The following ANKFN1 variants were observed in gnomAD, a reference collection of about 807,000 sequenced individuals.
The protein encoded by ANKFN1 is ankyrin repeat and fibronectin type-III domain-containing protein 1.
In ANKFN1, 74 loss-of-function variants were observed where a neutral mutation model predicts 108.7. The observed-to-expected ratio is 0.68, with a 90% CI of 0.56 to 0.83. ANKFN1 has a LOEUF of 0.83. Ranked by LOEUF, ANKFN1 falls within the 40% of genes least tolerant of loss-of-function variation. The pLI, the probability that ANKFN1 is intolerant of heterozygous loss-of-function variation, is 0.00. For synonymous variants in ANKFN1, 547 were observed against 516.2 expected, an observed-to-expected ratio of 1.06 and a Z score of -0.81; for missense variants, 1,505 against 1,382.3, an observed-to-expected ratio of 1.09 and a Z score of -1.41.
At chr17:56,500,769 T>C (rs1165126137) in intron 20 of ANKFN1, among the ~76,000 whole-genome samples, 1 of 152,208 alleles carries the variant, frequency 6.6e-6, no homozygotes, top group Non-Finnish European at 1.5e-5. Flanking sequence ...TTTCTTTCTA[T>C]TTAAAAACTA....
chr17:56,495,111 C>T lies in ANKFN1; in HGVS notation c.2427+2758C>T, dbSNP rs1046521948. Reference sequence around the variant, plus strand: ...CTTGAGAGCCCTCTCTACATACTTCCCTTCCAGTCAGCCAGGTACACACAG... The same window carrying T: ...CTTGAGAGCCCTCTCTACATACTTCTCTTCCAGTCAGCCAGGTACACACAG... On this transcript the variant is annotated intron_variant, in intron 19 of 20. Coordinates refer to ENST00000682825, the MANE Select transcript of ANKFN1 (RefSeq NM_001370326.1). Among the ~76,000 whole-genome samples the T allele has an allele frequency of 4.6e-5, 7 of 152,118 alleles. No individual in the cohort carries two copies. In the South Asian group the frequency reaches 1.5e-3, roughly 32 times the overall value.
intron 2 of ANKFN1, among the ~76,000 whole-genome samples, chr17:56,227,052 C>A (rs923956680): frequency 1.3e-5 from 2 of 152,078 alleles, no homozygotes; most frequent in Non-Finnish European, 2.9e-5. Flanking sequence ...AAAGATCTTT[C>A]TGTAGGTCTG....
chr17:56,451,408 A>T (rs1357755136), intron 11 of ANKFN1, among the ~76,000 whole-genome samples: 1 of 152,192 alleles, frequency 6.6e-6, no homozygotes, highest in African/African-American at 2.4e-5. Flanking sequence ...ATGCAGAAGG[A>T]TAAATGAAGA....
intron 4 of ANKFN1, among the ~76,000 whole-genome samples, chr17:56,070,385 C>T (rs1490906644): frequency 6.6e-6 from 1 of 152,154 alleles, no homozygotes; most frequent in Non-Finnish European, 1.5e-5. Context: ...TTATATGGCC[C>T]TTTCCCCTAT....
intron 14 of ANKFN1, among the ~76,000 whole-genome samples, chr17:56,462,731 GT>G (rs2145265386): frequency 6.6e-6 from 1 of 152,240 alleles, no homozygotes; most frequent in Non-Finnish European, 1.5e-5. Flanking sequence ...CTCCTTTCCA[GT>G]TTTGTATACT....
At chr17:56,451,956 C>T (rs1438868136) in intron 11 of ANKFN1, among the ~76,000 whole-genome samples, 1 of 152,196 alleles carries the variant, frequency 6.6e-6, no homozygotes, top group East Asian at 1.9e-4. Flanking sequence ...ACATTAATTT[C>T]TGCATTTTGG....
chr17:56,357,775 G>C (rs777241664), intron 6 of ANKFN1, among the ~76,000 whole-genome samples: 10 of 152,170 alleles, frequency 6.6e-5, no homozygotes, highest in Non-Finnish European at 1.5e-4. Flanking sequence ...AGAAGCTAAA[G>C]AGGCAGGATA....
chr17:56,139,555 C>G (rs1907792597), intron 4 of ANKFN1, among the ~76,000 whole-genome samples: 1 of 152,108 alleles, frequency 6.6e-6, no homozygotes, highest in Admixed American at 6.5e-5. Flanking sequence ...GATTTTCCCC[C>G]CATTATGCTC....
chr17:56,294,044 T>C (rs879649706), intron 3 of ANKFN1, among the ~76,000 whole-genome samples: 5 of 152,208 alleles, frequency 3.3e-5, no homozygotes, highest in African/African-American at 7.2e-5. Context: ...AAATTTCGGG[T>C]TCTGTTTTCT....
chr17:56,092,828 G>A (rs894293485), intron 4 of ANKFN1, among the ~76,000 whole-genome samples: 2 of 150,698 alleles, frequency 1.3e-5, no homozygotes, highest in African/African-American at 4.9e-5. Context: ...CTTTTTCCTT[G>A]TTGGCTGTGG....
chr17:56,300,404 C>T (rs1362138499), intron 3 of ANKFN1, among the ~76,000 whole-genome samples: 1 of 152,114 alleles, frequency 6.6e-6, no homozygotes, highest in Non-Finnish European at 1.5e-5. Context: ...TTGCCAAGTC[C>T]TTCTTTCCCC....
intron 8 of ANKFN1, among the ~76,000 whole-genome samples, chr17:56,417,935 G>A (rs1220963259): frequency 4.6e-5 from 7 of 152,246 alleles, no homozygotes; most frequent in South Asian, 4.1e-4. Context: ...GGGATGCTTC[G>A]TCTTTTCTAC....
At chr17:56,130,692 G>T (rs958182869) in intron 4 of ANKFN1, among the ~76,000 whole-genome samples, 3 of 152,130 alleles carry the variant, frequency 2.0e-5, no homozygotes, top group African/African-American at 7.2e-5. Flanking sequence ...GGGGCATTTT[G>T]ATTAGATGGG....
intron 2 of ANKFN1, among the ~76,000 whole-genome samples, chr17:56,219,105 C>T (rs1419662708): frequency 6.6e-6 from 1 of 152,050 alleles, no homozygotes; most frequent in Non-Finnish European, 1.5e-5. Context: ...CATTATACAT[C>T]CAATACCTAG....
chr17:56,056,388 A>AAC (rs907615737), intron 4 of ANKFN1, among the ~76,000 whole-genome samples: 3 of 151,972 alleles, frequency 2.0e-5, no homozygotes, highest in African/African-American at 7.3e-5. Context: ...AAAAAAAAAA[A>AAC]AAGCCAGAGG....
intron 4 of ANKFN1, among the ~76,000 whole-genome samples, chr17:56,137,939 A>G (rs1907690258): frequency 6.6e-6 from 1 of 152,178 alleles, no homozygotes; most frequent in Admixed American, 6.5e-5. Flanking sequence ...TAGCAAAGAG[A>G]GGGAAAAAAT....
At chr17:56,352,035 T>G (rs1034511064) in intron 5 of ANKFN1, among the ~76,000 whole-genome samples, 1 of 152,124 alleles carries the variant, frequency 6.6e-6, no homozygotes, top group East Asian at 1.9e-4. Flanking sequence ...GGGTGGCACT[T>G]TAACTTTGAA....
chr17:56,201,865 G>A (rs989159959), intron 1 of ANKFN1, among the ~76,000 whole-genome samples: 1 of 152,132 alleles, frequency 6.6e-6, no homozygotes, highest in Non-Finnish European at 1.5e-5. Context: ...AAGGCAACTC[G>A]CAAATTAGCA....
chr17:56,194,542 G>A (rs1277337091), intron 1 of ANKFN1, among the ~76,000 whole-genome samples: 1 of 152,176 alleles, frequency 6.6e-6, no homozygotes, highest in African/African-American at 2.4e-5. Flanking sequence ...TTCTGGAAAA[G>A]GCCGAACTAT....
Sources: allele counts gnomAD v4.1 joint callset (sites outside exome capture counted in the v4.1 genomes callset), GRCh38; gene constraint gnomAD v4.1.1; transcripts MANE v1.5; gene names NCBI Gene and HGNC (gene_info 2026-07-23, HGNC 2026-07-21).